Variants in TMEM117 observed in about 807,000 individuals in gnomAD.
TMEM117 encodes transmembrane protein 117.
In TMEM117, 27 loss-of-function variants were observed where a neutral mutation model predicts 52.4. That is an observed-to-expected ratio of 0.51 (90% CI 0.38 to 0.71). The LOEUF is 0.71. Ranked by LOEUF, TMEM117 falls within the 30% of genes least tolerant of loss-of-function variation. The pLI is 0.00. For missense variants in TMEM117, 556 were observed against 630.5 expected (o/e 0.88, Z 1.26); for synonymous variants, 215 against 206.3 (o/e 1.04, Z -0.36).
chr12:43,956,709 G>A (rs1386852580), intron 3 of TMEM117, among the ~76,000 whole-genome samples: 1 of 152,110 alleles, frequency 6.6e-6, no homozygotes, highest in Non-Finnish European at 1.5e-5. Flanking sequence ...TGTTGGTAAT[G>A]TAAATTAGTT....
chr12:44,141,455 T>C (rs1948570382), intron 3 of TMEM117, among the ~76,000 whole-genome samples: 2 of 152,142 alleles, frequency 1.3e-5, no homozygotes, highest in African/African-American at 4.8e-5. Context: ...AGTTATTAGC[T>C]GGATGATTGA....
the TMEM117 span, chr12:43,797,344 G>C: frequency 1.2e-6 from 2 of 1,604,474 alleles, no homozygotes; most frequent in East Asian, 2.2e-5. Context: ...TGTTTATACA[G>C]AAAGAAATGG....
intron 5 of TMEM117, among the ~76,000 whole-genome samples, chr12:44,221,900 T>C (rs958511157): frequency 2.6e-5 from 4 of 152,108 alleles, no homozygotes; most frequent in Admixed American, 6.5e-5. Flanking sequence ...GATTTCACCA[T>C]GTTGGCCAGG....
At chr12:43,806,389 G>T in the TMEM117 span, 1 of 1,186,748 alleles carries the variant, frequency 8.4e-7, no homozygotes, top group South Asian at 3.9e-5. Context: ...GAGGTTGACT[G>T]AGTGCCCGAG....
At chr12:44,374,917 G>A (rs1951919889) in intron 6 of TMEM117, among the ~76,000 whole-genome samples, 1 of 151,980 alleles carries the variant, frequency 6.6e-6, no homozygotes, top group South Asian at 2.1e-4. Flanking sequence ...TTTATGCAGG[G>A]CAAGTGAAAG....
Position 44,388,607 on chromosome 12 carries a change from G to A in TMEM117, c.1480G>A (p.Glu494Lys), listed in dbSNP as rs182044915. ...GGAAAACTTGAGCTCACAGTTGAAC[G>A]AATCTACTAGTGCAACAGAAGCTGA... ...TSENLSSQLNESTSATEADQD... is the reference protein window; with the variant it reads ...TSENLSSQLNKSTSATEADQD... Residue 494 changes from glutamate to lysine, a missense_variant, in exon 8 of 8, where the codon GAA (glutamate) becomes AAA (lysine). Around this residue, in one of 3 missense-constraint regions of TMEM117, gnomAD observed 206 missense variants for 211.1 expected, o/e 0.98. Coordinates refer to ENST00000266534, the MANE Select transcript of TMEM117 (RefSeq NM_032256.3). 35 of 1,613,424 alleles carry A rather than the reference G, an allele frequency of 2.2e-5. No homozygotes were observed. In the Admixed American group the frequency reaches 2.3e-4, roughly 11 times the overall value.
At chr12:43,815,708 G>A in the TMEM117 span, among the ~76,000 whole-genome samples, 5 of 152,204 alleles carry the variant, frequency 3.3e-5, no homozygotes, top group South Asian at 2.1e-4. Flanking sequence ...GCCTTTTCAC[G>A]TATGCTGGAT....
chr12:44,017,243 G>GTGTGTGTGTGTGTGTGTGTGTGTT (rs1423083956), intron 3 of TMEM117, among the ~76,000 whole-genome samples: 2 of 151,512 alleles, frequency 1.3e-5, no homozygotes, highest in African/African-American at 4.9e-5. Flanking sequence ...CTGTGTGTGT[G>GTGTGTGTGTGTGTGTGTGTGTGTT]TGTGTGTGTT....
chr12:43,871,398 C>T (rs939426545), intron 2 of TMEM117, among the ~76,000 whole-genome samples: 1 of 152,210 alleles, frequency 6.6e-6, no homozygotes, highest in East Asian at 1.9e-4. Context: ...GCCACTGTGC[C>T]TGGGCTTTTT....
chr12:44,394,231 G>A (rs1216953702), downstream of TMEM117, among the ~76,000 whole-genome samples: 4 of 152,166 alleles, frequency 2.6e-5, no homozygotes, highest in Non-Finnish European at 5.9e-5. Context: ...TCTCATCCCT[G>A]GAATGGAAAT....
At chr12:44,333,576 T>G (rs1205553446) in intron 6 of TMEM117, among the ~76,000 whole-genome samples, 1 of 151,950 alleles carries the variant, frequency 6.6e-6, no homozygotes, top group Non-Finnish European at 1.5e-5. Context: ...CCCCTTTGCT[T>G]GGCACTTCTC....
chr12:44,167,991 C>T (rs1180288018), intron 4 of TMEM117, among the ~76,000 whole-genome samples: 2 of 152,076 alleles, frequency 1.3e-5, no homozygotes, highest in South Asian at 4.2e-4. Context: ...CGCGGTGGCT[C>T]ACGCCTGTAA....
chr12:44,084,528 G>A (rs992958283), intron 3 of TMEM117, among the ~76,000 whole-genome samples: 10 of 152,128 alleles, frequency 6.6e-5, no homozygotes, highest in Admixed American at 5.2e-4. Context: ...AGAGGCAAAT[G>A]TATTATATGA....
chr12:44,025,061 T>C lies in TMEM117; in HGVS notation c.410+80719T>C, dbSNP rs539929453. On this transcript the variant is annotated intron_variant, in intron 3 of 7. Transcript: ENST00000266534. ...GACTCACTGTATAGTAACTGAGTGA[T>C]TGACCTTAGGCAAGTAACTTGACTT... 5.3e-5 allele frequency among the ~76,000 whole-genome samples: 8 copies of C among 152,282 alleles called. No homozygotes were observed. The South Asian group carries it at 1.5e-3, about 28-fold the overall frequency.
At chr12:44,374,073 C>T (rs976994505) in intron 6 of TMEM117, among the ~76,000 whole-genome samples, 2 of 152,016 alleles carry the variant, frequency 1.3e-5, no homozygotes, top group Admixed American at 6.6e-5. Context: ...TGAGCCAACA[C>T]GCCTGGCCAG....
chr12:43,828,306 G>A, the TMEM117 span, among the ~76,000 whole-genome samples: 5 of 152,216 alleles, frequency 3.3e-5, no homozygotes, highest in Non-Finnish European at 7.3e-5. Context: ...GTGAGATTCA[G>A]CTCTTTAATG....
chr12:43,895,463 G>A (rs555496422), intron 2 of TMEM117, among the ~76,000 whole-genome samples: 39 of 152,216 alleles, frequency 2.6e-4, no homozygotes, highest in South Asian at 1.2e-3. Context: ...GAACATATGC[G>A]TGCATGTGTC....
chr12:44,292,888 G>T (rs1450628509), intron 5 of TMEM117, among the ~76,000 whole-genome samples: 2 of 152,024 alleles, frequency 1.3e-5, no homozygotes, highest in African/African-American at 4.8e-5. Context: ...TGCTGGAGAA[G>T]AAGGTTCATT....
the TMEM117 span, among the ~76,000 whole-genome samples, chr12:43,821,051 C>A: frequency 6.7e-6 from 1 of 149,668 alleles, no homozygotes; most frequent in African/African-American, 2.5e-5. Context: ...GTCGAGATCG[C>A]GCCACTGCAC....
Sources: gnomAD v4.1 joint callset for allele counts (sites outside exome capture counted in the v4.1 genomes callset) on GRCh38, gnomAD v4.1.1 for gene constraint, gnomAD v4.1.1 regional missense constraint, MANE v1.5 for transcripts, NCBI Gene and HGNC (gene_info 2026-07-23, HGNC 2026-07-21) for gene names.